Variants in JAKMIP2 observed in about 807,000 individuals in gnomAD.
The protein encoded by JAKMIP2 is janus kinase and microtubule interacting protein 2.
JAKMIP2 carries 25 observed loss-of-function variants against 115.0 expected under a neutral mutation model. That is an observed-to-expected ratio of 0.22 (90% confidence interval 0.16 to 0.30). The LOEUF is 0.30. JAKMIP2 is among the 10% of genes least tolerant of loss of function. The pLI is 1.00. For missense variants in JAKMIP2, 642 were observed against 957.6 expected (o/e 0.67, Z 4.35); for synonymous variants, 334 against 343.6 (o/e 0.97, Z 0.31).
At chr5:147,612,682 G>T (rs1050797385) in intron 19 of JAKMIP2, among the ~76,000 whole-genome samples, 2 of 151,190 alleles carry the variant, frequency 1.3e-5, no homozygotes, top group Admixed American at 6.6e-5. Context: ...ATTGAGTTTG[G>T]CAAAGAGACT....
intron 1 of JAKMIP2, among the ~76,000 whole-genome samples, chr5:147,764,991 G>GGAGAGAGAGAGAGAGAGAGAGA (rs71001457): frequency 2.7e-5 from 1 of 37,152 alleles, no homozygotes; most frequent in African/African-American, 1.2e-4. Context: ...AGAGAGAGAG[G>GGAGAGAGAGAGAGAGAGAGAGA]GAGAGAGAGA....
At chr5:147,650,647 GA>G (rs959527156) in intron 3 of JAKMIP2, 100 bp from the exon 4 acceptor site, 19 of 881,670 alleles carry the variant, frequency 2.2e-5, no homozygotes, top group Admixed American at 2.6e-5. Flanking sequence ...GATTGATACA[GA>G]AAAAAAATCA....
chr5:147,640,617 G>A, intron 9 of JAKMIP2, 87 bp downstream of exon 9: 1 of 1,390,154 alleles, frequency 7.2e-7, no homozygotes, highest in Non-Finnish European at 1.0e-6. Flanking sequence ...ATATAAAGGA[G>A]ATGAAAAGTG....
In JAKMIP2 at chr5:147,638,048, A is replaced by G. The variant is rs1487464966; in HGVS notation, c.1531-1000T>C. ...TTACATTTACCTCTATCAGGTCCAA[A>G]AAATAATTAATTTTGCTAAGATTTA... On this transcript the variant is annotated intron_variant, in intron 10 of 21. Transcript: ENST00000616793. Among the ~76,000 whole-genome samples, 3 of 152,192 alleles carry G rather than the reference A, an allele frequency of 2.0e-5. No homozygotes were observed. The East Asian group carries it at 5.8e-4, about 29-fold the overall frequency.
chr5:147,660,924 G>A (rs1758923915), intron 3 of JAKMIP2, 24 bp downstream of exon 3: 1 of 1,611,194 alleles, frequency 6.2e-7, no homozygotes, highest in Non-Finnish European at 8.5e-7. Flanking sequence ...TTCTACATGG[G>A]TCTGATGGGA....
intron 1 of JAKMIP2, among the ~76,000 whole-genome samples, chr5:147,694,466 G>C (rs1253514636): frequency 6.6e-6 from 1 of 152,140 alleles, no homozygotes; most frequent in African/African-American, 2.4e-5. Context: ...AGGGTATACA[G>C]GAAAATGAAC....
chr5:147,618,187 T>A, intron 18 of JAKMIP2, 73 bp from the exon 19 acceptor site: 1 of 1,047,620 alleles, frequency 9.5e-7, no homozygotes, highest in Non-Finnish European at 1.5e-6. Context: ...GTATGCTATG[T>A]ATGTATATGT....
intron 3 of JAKMIP2, chr5:147,660,551 A>G: frequency 2.4e-6 from 1 of 421,292 alleles, no homozygotes; most frequent in Non-Finnish European, 4.7e-6. Flanking sequence ...ACAAACAATA[A>G]AACTCTACAA....
chr5:147,603,661 T>C (rs75881776), intron 20 of JAKMIP2, among the ~76,000 whole-genome samples: 2 of 152,304 alleles, frequency 1.3e-5, no homozygotes, highest in South Asian at 2.1e-4. Flanking sequence ...TTTGAAGTGG[T>C]TGAATTTGCT....
Position 147,661,342 on chromosome 5 carries a change from T to A in JAKMIP2, c.233A>T (p.His78Leu), listed in dbSNP as rs370751994. ...CTGCAGCTCCTTCATCTTCTCCTCA[T>A]GGAGCTTGGCTTTGAGTTCTGTCAC... ...VLVTELKAKL[H>L]EEKMKELQAV... The change falls in exon 3 of 22, where the codon CAT (histidine) becomes CTT (leucine). Residue 78 changes from histidine to leucine, a missense_variant. Physicochemically the swap from His to Leu is moderately conservative, Grantham distance 99 (BLOSUM62 -3). Coordinates refer to ENST00000616793, the MANE Select transcript of JAKMIP2 (RefSeq NM_001270941.2). 1 of 1,613,956 alleles carries A rather than the reference T, an allele frequency of 6.2e-7. No individual in the cohort carries two copies. Among genetic ancestry groups the A allele is most frequent in the African/African-American group, 1.3e-5 (1 of 74,900 alleles).
At chr5:147,639,556 AT>A (rs1387247614) in intron 10 of JAKMIP2, 75 bp downstream of exon 10, 11 of 1,492,020 alleles carry the variant, frequency 7.4e-6, no homozygotes, top group Non-Finnish European at 9.9e-6. Flanking sequence ...TCTTATTGAT[AT>A]TTTTATGTCC....
intron 11 of JAKMIP2, 70 bp from the exon 12 acceptor site, chr5:147,636,354 C>A: frequency 7.6e-7 from 1 of 1,318,202 alleles, no homozygotes; most frequent in Non-Finnish European, 1.1e-6. Flanking sequence ...TGTCAAACCA[C>A]TTTGCCAGAG....
intron 1 of JAKMIP2, among the ~76,000 whole-genome samples, chr5:147,729,957 T>C (rs996016200): frequency 5.3e-5 from 8 of 152,096 alleles, no homozygotes; most frequent in African/African-American, 7.2e-5. Context: ...TACAAGACCA[T>C]AGAGGTTGTT....
At chr5:147,599,815 T>A (rs976424065) in intron 21 of JAKMIP2, among the ~76,000 whole-genome samples, 1 of 152,182 alleles carries the variant, frequency 6.6e-6, no homozygotes, top group Non-Finnish European at 1.5e-5. Context: ...AGCTGGATGG[T>A]CTTGGGAAAG....
chr5:147,629,469 C>T (rs149594878), intron 15 of JAKMIP2, among the ~76,000 whole-genome samples: 1 of 152,068 alleles, frequency 6.6e-6, no homozygotes, highest in Non-Finnish European at 1.5e-5. Flanking sequence ...GAAACCTGCC[C>T]GCAAAAAGCA....
At chr5:147,756,226 A>G (rs1056122291) in intron 1 of JAKMIP2, among the ~76,000 whole-genome samples, 3 of 152,188 alleles carry the variant, frequency 2.0e-5, no homozygotes, top group African/African-American at 7.2e-5. Flanking sequence ...GAAGCATCAG[A>G]GAGAAGAATT....
chr5:147,761,641 G>A (rs938552783), intron 1 of JAKMIP2, among the ~76,000 whole-genome samples: 1 of 152,140 alleles, frequency 6.6e-6, no homozygotes, highest in African/African-American at 2.4e-5. Context: ...TCAAGGTCAT[G>A]CTAAGTGGCT....
chr5:147,675,906 A>G (rs1276863469), intron 1 of JAKMIP2, among the ~76,000 whole-genome samples: 3 of 148,824 alleles, frequency 2.0e-5, no homozygotes, highest in African/African-American at 7.4e-5. Context: ...ATTCTATTGT[A>G]GGGATAAACT....
rs567855058 is a variant in JAKMIP2 at position 147,627,828 on chromosome 5, GTGTC to G, written c.1995+919_1995+922del. ...TCCTTTTTAAAAAACACCTGGTTAAGTGTCTTTTTATTTCATAGCTATAGTTCTT... is the reference window on the plus strand; with the variant it reads ...TCCTTTTTAAAAAACACCTGGTTAAGTTTTTATTTCATAGCTATAGTTCTT... On this transcript the variant is annotated intron_variant, in intron 16 of 21. Coordinates refer to ENST00000616793, the MANE Select transcript of JAKMIP2 (RefSeq NM_001270941.2). 5.9e-5 allele frequency among the ~76,000 whole-genome samples: 9 copies of G among 152,014 alleles called. 1 individual carries two copies. In the South Asian group the frequency reaches 1.9e-3, roughly 32 times the overall value.
Sources: allele counts gnomAD v4.1 joint callset (sites outside exome capture counted in the v4.1 genomes callset), GRCh38; gene constraint gnomAD v4.1.1; transcripts MANE v1.5; gene names NCBI Gene and HGNC (gene_info 2026-07-23, HGNC 2026-07-21).